Variants in PHF20 observed in about 807,000 individuals in gnomAD.
PHF20 encodes PHD finger protein 20.
In PHF20, 23 loss-of-function variants were observed where a neutral mutation model predicts 113.5. The ratio of observed to expected loss-of-function variants is 0.20; its 90% CI spans 0.15 to 0.29. The LOEUF (loss-of-function observed/expected upper bound fraction) is 0.29. PHF20 is among the 10% of genes least tolerant of loss of function. The pLI is 1.00. For synonymous variants in PHF20, 434 were observed against 457.3 expected (o/e 0.95, Z 0.65); for missense variants, 943 against 1,219.6 (o/e 0.77, Z 3.38).
intron 2 of PHF20, among the ~76,000 whole-genome samples, chr20:35,839,349 C>G (rs542049392): frequency 1.3e-5 from 2 of 148,848 alleles, no homozygotes; most frequent in South Asian, 4.3e-4. Flanking sequence ...TAAGATCGTG[C>G]CACTGCACTC....
chr20:35,875,362 C>T (rs2054501530), intron 9 of PHF20, among the ~76,000 whole-genome samples: 1 of 150,320 alleles, frequency 6.7e-6, no homozygotes, highest in African/African-American at 2.5e-5. Flanking sequence ...CGCACCACTG[C>T]ACTCCAGCCT....
At chr20:35,803,506 G>A (rs920423180) in intron 2 of PHF20, among the ~76,000 whole-genome samples, 2 of 151,430 alleles carry the variant, frequency 1.3e-5, no homozygotes, top group East Asian at 2.0e-4. Context: ...TGTATTTTTA[G>A]TAGAGACAGG....
At chr20:35,916,680 G>A (rs1434973229) in intron 12 of PHF20, among the ~76,000 whole-genome samples, 1 of 152,078 alleles carries the variant, frequency 6.6e-6, no homozygotes, top group Non-Finnish European at 1.5e-5. Context: ...CGTTGGCCAG[G>A]CTGGTCTCAA....
chr20:35,791,491 ATCT>A (rs1331503126), intron 1 of PHF20, among the ~76,000 whole-genome samples: 8 of 122,662 alleles, frequency 6.5e-5, no homozygotes, highest in South Asian at 5.1e-4. Flanking sequence ...CTATCTATCT[ATCT>A]ATCTATCTTA....
intron 9 of PHF20, among the ~76,000 whole-genome samples, chr20:35,888,754 C>CT (rs770994067): frequency 0.019 from 2,603 of 139,200 alleles, 39 homozygotes; most frequent in Non-Finnish European, 0.029. Context: ...ACCCTCATCT[C>CT]TTTTTTTTTT....
intron 2 of PHF20, among the ~76,000 whole-genome samples, chr20:35,817,750 C>T (rs1354722720): frequency 1.3e-5 from 2 of 152,004 alleles, no homozygotes; most frequent in African/African-American, 4.8e-5. Flanking sequence ...GAGCCCAGAT[C>T]GTGCCACTGC....
chr20:35,886,219 A>G (rs935071063), intron 9 of PHF20, among the ~76,000 whole-genome samples: 42 of 150,788 alleles, frequency 2.8e-4, no homozygotes, highest in Admixed American at 1.3e-4. Flanking sequence ...GCTCACTGCA[A>G]CCTCCGCCTC....
At chr20:35,776,922 G>C (rs1337372497) in intron 1 of PHF20, among the ~76,000 whole-genome samples, 1 of 152,174 alleles carries the variant, frequency 6.6e-6, no homozygotes, top group East Asian at 1.9e-4. Context: ...CATTGCCTGT[G>C]GTAGCTTGTT....
In PHF20 at chr20:35,938,949, G is replaced by A. The variant is rs372339424; in HGVS notation, c.2553G>A (p.Val851=). 4 of 1,614,190 alleles carry A rather than the reference G, an allele frequency of 2.5e-6. No individual in the cohort carries two copies. Among genetic ancestry groups the A allele is most frequent in the Non-Finnish European group, 3.4e-6 (4 of 1,180,040 alleles). ...AGCCCCGCGCCTATTACCCTGCCGT[G>A]GAGCAGAAGCTGGTGGTGGAGACGA... The part of the protein sequence containing the change: ...YQKPRAYYPA[V]EQKLVVETRG... Residue 851 remains valine, a synonymous_variant, in exon 16 of 18, where the codon GTG becomes GTA. Transcript: ENST00000374012.
rs2054422470 is a variant in PHF20 at position 35,871,631 on chromosome 20, CTT to C, written c.1103-17_1103-16del. The C allele has an allele frequency of 6.4e-7, 1 of 1,572,070 alleles. No homozygotes were observed. Among genetic ancestry groups the C allele is most frequent in the Non-Finnish European group, 8.6e-7 (1 of 1,162,072 alleles). On this transcript the variant is annotated splice_polypyrimidine_tract_variant and intron_variant, in intron 8 of 17. Coordinates refer to ENST00000374012, the MANE Select transcript of PHF20 (RefSeq NM_016436.5). The stretch of plus-strand genomic sequence containing the variant: ...TACATACATGTATATTTCCCCCAAA[CTT>C]TCTTTTTTTCTTCTAGGTCAGTTGA...
intron 6 of PHF20, among the ~76,000 whole-genome samples, chr20:35,866,152 G>GT (rs1356485113): frequency 6.6e-6 from 1 of 152,188 alleles, no homozygotes; most frequent in Admixed American, 6.5e-5. Context: ...AGAGGTTACA[G>GT]TGAGCCGATA....
At chr20:35,893,389 C>T (rs908639060) in intron 9 of PHF20, among the ~76,000 whole-genome samples, 4 of 151,972 alleles carry the variant, frequency 2.6e-5, no homozygotes, top group African/African-American at 7.3e-5. Flanking sequence ...TTGCAACCTC[C>T]GCCACCTGGG....
chr20:35,935,007 T>C (rs2055837248), intron 15 of PHF20, among the ~76,000 whole-genome samples: 1 of 152,126 alleles, frequency 6.6e-6, no homozygotes, highest in Non-Finnish European at 1.5e-5. Context: ...ATTGTAAACT[T>C]AGCTATATTT....
chr20:35,870,919 G>A (rs2054409574), intron 7 of PHF20, 36 bp from the exon 8 acceptor site: 2 of 1,483,530 alleles, frequency 1.3e-6, no homozygotes, highest in East Asian at 2.3e-5. Flanking sequence ...TCTTCTTGTT[G>A]GTCTCTTGAC....
intron 15 of PHF20, among the ~76,000 whole-genome samples, chr20:35,936,342 G>A (rs557196443): frequency 1.3e-5 from 2 of 152,328 alleles, no homozygotes; most frequent in East Asian, 3.9e-4. Context: ...GTGGCTAGCA[G>A]TGGTATGGGA....
At chr20:35,790,021 A>AT (rs1032756716) in intron 1 of PHF20, among the ~76,000 whole-genome samples, 7 of 149,806 alleles carry the variant, frequency 4.7e-5, no homozygotes, top group East Asian at 2.0e-4. Flanking sequence ...TCCCCAGCTG[A>AT]TTTTTTTTTG....
chr20:35,833,955 G>A (rs1206505905), intron 2 of PHF20, among the ~76,000 whole-genome samples: 4 of 152,036 alleles, frequency 2.6e-5, no homozygotes, highest in African/African-American at 2.4e-5. Context: ...CTACTCTGGA[G>A]GCTGAGGCAG....
intron 3 of PHF20, among the ~76,000 whole-genome samples, chr20:35,846,816 G>C (rs1377079299): frequency 1.3e-5 from 2 of 152,130 alleles, no homozygotes; most frequent in Non-Finnish European, 2.9e-5. Context: ...TAGAATACCT[G>C]AGACTAGGTA....
intron 4 of PHF20, chr20:35,855,175 C>A: frequency 1.2e-6 from 1 of 864,844 alleles, no homozygotes; most frequent in Non-Finnish European, 1.6e-6. Flanking sequence ...CAGAGTTGCA[C>A]CATGGTTGCT....
Sources: gnomAD v4.1 joint callset for allele counts (sites outside exome capture counted in the v4.1 genomes callset) on GRCh38, gnomAD v4.1.1 for gene constraint, MANE v1.5 for transcripts, NCBI Gene and HGNC (gene_info 2026-07-23, HGNC 2026-07-21) for gene names.